SNED1: variants seen among roughly 807,000 people sequenced by gnomAD.
The protein encoded by SNED1 is sushi, nidogen and EGF like domains 1.
SNED1 carries 81 observed loss-of-function variants against 166.7 expected under a neutral mutation model. The ratio of observed to expected loss-of-function variants is 0.49; its 90% confidence interval spans 0.41 to 0.58. SNED1 has a LOEUF of 0.58. Ranked by LOEUF, SNED1 falls within the 20% of genes least tolerant of loss-of-function variation. The probability of loss-of-function intolerance (pLI) is 0.00; values close to 1 mark genes in which losing one functional copy is unlikely to be tolerated. For synonymous variants in SNED1, 762 were observed against 822.0 expected (o/e 0.93, Z 1.25); for missense variants, 1,604 against 2,000.2 (o/e 0.80, Z 3.78).
chr2:241,041,714 A>G (rs904116595), intron 8 of SNED1, among the ~76,000 whole-genome samples: 1 of 152,158 alleles, frequency 6.6e-6, no homozygotes, highest in Non-Finnish European at 1.5e-5. Context: ...GGAAGAAGAA[A>G]GAAACAACAG....
intron 6 of SNED1, among the ~76,000 whole-genome samples, chr2:241,038,069 A>ACCC (rs763567238): frequency 0.017 from 2,400 of 145,450 alleles, 40 homozygotes; most frequent in African/African-American, 0.045. Context: ...AGAAAGGTGG[A>ACCC]CCCCCCCCCA....
At chr2:241,016,873 C>T (rs1180547073) in intron 1 of SNED1, among the ~76,000 whole-genome samples, 11 of 118,364 alleles carry the variant, frequency 9.3e-5, no homozygotes, top group South Asian at 2.6e-4. Context: ...TTTTTTGAGA[C>T]GGAGGTTTTG....
intron 8 of SNED1, chr2:241,041,146 C>G (rs989912319): frequency 3.4e-6 from 1 of 291,456 alleles, no homozygotes; most frequent in Non-Finnish European, 6.6e-6. Flanking sequence ...CAGTCTTTGC[C>G]GAGTGCATGG....
rs62187369 is a variant in SNED1 at position 241,069,724 on chromosome 2, G to A, written c.3308-196G>A. Among the ~76,000 whole-genome samples, 10,093 of 152,168 alleles carry A rather than the reference G, an allele frequency of 0.066. 430 individuals are homozygous for A. Among genetic ancestry groups the A allele is most frequent in the East Asian group, 0.15 (767 of 5,150 alleles). On this transcript the variant is annotated intron_variant, in intron 23 of 31. Transcript: ENST00000310397. The surrounding 1 kb of genome is among the most constrained non-coding windows in gnomAD (Gnocchi z 4.9). ...CCCGAGGGGAGGGTGGCAACCAGGG[G>A]CCTGCAGGTCTCTCGGTTGGAAGAT...
At chr2:241,026,359 A>G (rs145280218) in intron 1 of SNED1, among the ~76,000 whole-genome samples, 1 of 152,184 alleles carries the variant, frequency 6.6e-6, no homozygotes, top group South Asian at 2.1e-4. Context: ...ATTGTTGAGC[A>G]TATGGCTTGA....
chr2:241,033,898 C>G (rs755286001), intron 3 of SNED1, 23 bp downstream of exon 3: 2 of 1,576,652 alleles, frequency 1.3e-6, no homozygotes, highest in South Asian at 1.2e-5. Flanking sequence ...AGTCGGTGCT[C>G]TGTGTTCAGA....
chr2:241,023,484 TA>T (rs11410258), intron 1 of SNED1, among the ~76,000 whole-genome samples: 2,894 of 149,982 alleles, frequency 0.019, 47 homozygotes, highest in South Asian at 0.042. Flanking sequence ...CAATATGTGG[TA>T]AAAAAAAAAA....
chr2:241,087,700 G>C lies in SNED1; in HGVS notation c.4205+225G>C, dbSNP rs542165301. 4.8e-5 allele frequency: 66 copies of C among 1,365,340 alleles called. No individual in the cohort carries two copies. In the South Asian group the frequency reaches 1.0e-3, roughly 21 times the overall value. 84.6% of individuals were successfully genotyped at this position (1,365,340 alleles called of 1,614,324 possible). A position where few individuals can be genotyped will look rare whatever the true frequency, so the allele number is the denominator to read the frequency against. On this transcript the variant is annotated intron_variant, in intron 30 of 31. Transcript: ENST00000310397. ...GCACAGCCGGGCATGCTGGGTGCTG[G>C]GGGGGGTCACTCTGGTTATGCATAT...
At position 241,062,783 on chromosome 2, in the gene SNED1, C is replaced by T. The variant is rs1481058192; in HGVS notation, c.2258-8C>T. On this transcript the variant is annotated splice_polypyrimidine_tract_variant and splice_region_variant and intron_variant, in intron 16 of 31. Transcript: ENST00000310397. ...ACATTGCTTTATTCTTGGGCTCTCT[C>T]CTCTCAGAAATCGATGAGTGCCGGT... 1.9e-6 allele frequency: 3 copies of T among 1,596,836 alleles called. No individual in the cohort carries two copies. The African/African-American group carries it at 4.0e-5, about 21-fold the overall frequency.
Position 241,095,069 on chromosome 2 carries a change from C to CG in SNED1, c.*3433_*3434insG, listed in dbSNP as rs536155955. On this transcript the variant is annotated 3_prime_UTR_variant, in exon 32 of 32. Transcript: ENST00000310397. ...TTCCCTAAGGTGACACGCCCCCCCC[C>CG]CCCCCCACACCCACCTTGGGGGGTC... The CG allele has an allele frequency of 1.4e-5, 2 of 143,698 alleles. No individual in the cohort carries two copies. The highest frequency in any genetic ancestry group is 5.1e-4 in the South Asian group (2 of 3,948). The allele number at this position is 143,698 out of a possible 1,614,324, so 8.9% of individuals were successfully genotyped here. A position where few individuals can be genotyped will look rare whatever the true frequency, so the allele number is the denominator to read the frequency against.
rs1451284684 is a variant in SNED1 at position 241,068,374 on chromosome 2, C to T, written c.3194+427C>T. ...GAGGGTAGATGGTAGCAGCCCCGAG[C>T]TCTCCCAGGAGTCCCACAGTGGACC... On this transcript the variant is annotated intron_variant, in intron 22 of 31. Transcript: ENST00000310397. This position sits in a 1 kb window ranked among gnomAD's most constrained non-coding sequence, Gnocchi z 5.3. Among the ~76,000 whole-genome samples, 1 of 151,838 alleles carries T rather than the reference C, an allele frequency of 6.6e-6. No individual in the cohort carries two copies. The highest frequency in any genetic ancestry group is 6.5e-5 in the Admixed American group (1 of 15,270).
At position 241,049,234 on chromosome 2, in the gene SNED1, C is replaced by T. The variant is rs2061755113; in HGVS notation, c.1618+99C>T. On this transcript the variant is annotated intron_variant, in intron 11 of 31. Coordinates refer to ENST00000310397, the MANE Select transcript of SNED1 (RefSeq NM_001080437.3). Reference sequence around the variant, plus strand: ...AGGCAGAGGCCAGAGTCCCTACTTCCCTTCTGACTCTCGGGAGAGCTGGCA... The same window carrying T: ...AGGCAGAGGCCAGAGTCCCTACTTCTCTTCTGACTCTCGGGAGAGCTGGCA... 5 of 866,072 alleles carry T rather than the reference C, an allele frequency of 5.8e-6. No homozygotes were observed. In the East Asian group the frequency reaches 1.1e-4, roughly 19 times the overall value. 53.6% of individuals were successfully genotyped at this position (866,072 alleles called of 1,614,324 possible).
intron 10 of SNED1, 79 bp downstream of exon 10, chr2:241,048,845 G>A (rs542371679): frequency 3.1e-6 from 4 of 1,303,176 alleles, no homozygotes; most frequent in Non-Finnish European, 4.3e-6. Context: ...TTCGGCCGGG[G>A]TCCGTAGGTC....
chr2:241,033,832 G>A lies in SNED1; in HGVS notation c.599G>A (p.Ser200Asn). 1 of 1,608,938 alleles carries A rather than the reference G, an allele frequency of 6.2e-7. No homozygotes were observed. The highest frequency in any genetic ancestry group is 8.5e-7 in the Non-Finnish European group (1 of 1,178,316). Residue 200 changes from serine (S) to asparagine (N), a missense_variant, in exon 3 of 32, where the codon AGC (serine) becomes AAC (asparagine). Ser to Asn is a conservative substitution (Grantham distance 46). This residue lies in a region of SNED1 where 1,237 missense variants were observed against 1,620.8 expected (regional missense o/e 0.76). Transcript: ENST00000310397. Reference sequence around the variant, plus strand: ...GTGTGGACCACAGGCACACACGCCAGCAGCGGGGGCAACGCCACTGGCCTC... The same window carrying A: ...GTGTGGACCACAGGCACACACGCCAACAGCGGGGGCAACGCCACTGGCCTC... ...SIVWTTGTHA[S>N]SGGNATGLGG...
Position 241,073,223 on chromosome 2 carries a change from G to A in SNED1, c.3818-43G>A, listed in dbSNP as rs1224966896. The A allele has an allele frequency of 3.5e-6, 5 of 1,445,944 alleles. No individual in the cohort carries two copies. The highest frequency in any genetic ancestry group is 4.7e-6 in the Non-Finnish European group (5 of 1,053,022). The allele number at this position is 1,445,944 out of a possible 1,614,324, so 89.6% of individuals were successfully genotyped here. A position where few individuals can be genotyped will look rare whatever the true frequency, so the allele number is the denominator to read the frequency against. ...GGGTGGCCCCAGGACCATCCCGGGTGCAAAGCAGCTGCGCCGTGTGGTCAC... is the reference window on the plus strand; with the variant it reads ...GGGTGGCCCCAGGACCATCCCGGGTACAAAGCAGCTGCGCCGTGTGGTCAC... On this transcript the variant is annotated intron_variant, in intron 26 of 31. Transcript: ENST00000310397. The surrounding 1 kb of genome is among the most constrained non-coding windows in gnomAD (Gnocchi z 6.6).
intron 1 of SNED1, among the ~76,000 whole-genome samples, chr2:241,012,431 C>G (rs779058218): frequency 6.6e-6 from 1 of 152,250 alleles, no homozygotes; most frequent in African/African-American, 2.4e-5. Context: ...GCAGCCCCTC[C>G]GGCCTGTGAA....
At position 241,023,888 on chromosome 2, in the gene SNED1, C is replaced by CTTTTTTTTTTTTTTTTTTTTTTTTTT. The variant is rs34234341; in HGVS notation, c.214-6377_214-6376insTTTTTTTTTTTTTTTTTTTTTTTTTT. ...TTCTCTCTTTTTTTCTTTTTTTTTCCTTTTTTTTTTTTTTTTTTTGAGACA... is the reference window on the plus strand; with the variant it reads ...TTCTCTCTTTTTTTCTTTTTTTTTCCTTTTTTTTTTTTTTTTTTTTTTTTTTTTTTTTTTTTTTTTTTTTTGAGACA... On this transcript the variant is annotated intron_variant, in intron 1 of 31. Coordinates refer to ENST00000310397, the MANE Select transcript of SNED1 (RefSeq NM_001080437.3). 5.0e-4 allele frequency among the ~76,000 whole-genome samples: 46 copies of CTTTTTTTTTTTTTTTTTTTTTTTTTT among 92,002 alleles called. 4 individuals carry two copies. The highest frequency in any genetic ancestry group is 9.4e-4 in the African/African-American group (20 of 21,356). The allele number at this position is 92,002 out of a possible 152,430, so 60.4% of individuals were successfully genotyped here.
intron 11 of SNED1, 103 bp from the exon 12 acceptor site, chr2:241,049,714 A>G: frequency 1.3e-6 from 1 of 794,854 alleles, no homozygotes; most frequent in South Asian, 1.5e-5. Flanking sequence ...GGTTCCAGAC[A>G]GGATGTCAGG....
At chr2:241,043,644 T>A (rs2125057451) in intron 8 of SNED1, among the ~76,000 whole-genome samples, 1 of 152,282 alleles carries the variant, frequency 6.6e-6, no homozygotes, top group African/African-American at 2.4e-5. Flanking sequence ...AGAAAAATTT[T>A]AAAATAATAA....
Sources: gnomAD v4.1 joint callset for allele counts (sites outside exome capture counted in the v4.1 genomes callset) on GRCh38, gnomAD v4.1.1 for gene constraint, gnomAD v4.1.1 regional missense constraint, Gnocchi (gnomAD v3.1) non-coding constraint, MANE v1.5 for transcripts, NCBI Gene and HGNC (gene_info 2026-07-23, HGNC 2026-07-21) for gene names.